Variants in RSRP1 observed in about 807,000 individuals in gnomAD.
RSRP1 encodes the protein arginine and serine rich protein 1, also known as arginine/serine-rich protein 1.
A neutral mutation model predicts 33.0 loss-of-function variants in RSRP1; 37 were observed. The ratio of observed to expected loss-of-function variants is 1.12; its 90% confidence interval spans 0.86 to 1.48. The LOEUF is 1.48. Among genes scored for constraint, RSRP1 ranks in the 40% most tolerant of loss-of-function variants. RSRP1 has a pLI of 0.00. For missense variants in RSRP1, 402 were observed against 385.3 expected (o/e 1.04, Z -0.36); for synonymous variants, 167 against 158.7 (o/e 1.05, Z -0.40).
intron 1 of RSRP1, among the ~76,000 whole-genome samples, chr1:25,276,230 G>A (rs1640946437): frequency 7.7e-6 from 1 of 129,998 alleles, no homozygotes; most frequent in Non-Finnish European, 1.8e-5. Context: ...CTGTTAGAGA[G>A]GCACATTGAA....
At chr1:25,306,524 G>A in intron 1 of RSRP1, 2 of 1,300,436 alleles carry the variant, frequency 1.5e-6, no homozygotes, top group Non-Finnish European at 1.1e-6. Flanking sequence ...GGATACCAAG[G>A]GTGTGTGAAA....
chr1:25,321,826 T>G, intron 1 of RSRP1: 1 of 866,020 alleles, frequency 1.2e-6, no homozygotes, highest in Non-Finnish European at 1.9e-6. Flanking sequence ...ATATTTCGAT[T>G]AATCTTGAGA....
intron 3 of RSRP1, 84 bp from the exon 4 acceptor site, chr1:25,243,717 A>T (rs1174132181): frequency 2.9e-5 from 45 of 1,543,548 alleles, no homozygotes; most frequent in Non-Finnish European, 3.6e-5. Context: ...CTAATTGTAA[A>T]CAAAATTTAG....
chr1:25,298,096 T>C (rs1305926318), intron 1 of RSRP1, among the ~76,000 whole-genome samples: 1 of 118,256 alleles, frequency 8.5e-6, no homozygotes, highest in African/African-American at 2.8e-5. Flanking sequence ...AAAACAACTC[T>C]TTTCTCTCAG....
rs559330816 is a variant in RSRP1 at position 25,280,029 on chromosome 1, C to T, written c.-66-33000G>A. Among the ~76,000 whole-genome samples, 22 of 129,716 alleles carry T rather than the reference C, an allele frequency of 1.7e-4. 8 individuals are homozygous for T. The highest frequency in any genetic ancestry group is 3.3e-4 in the Non-Finnish European group (18 of 55,276). The allele number at this position is 129,716 out of a possible 152,430, so 85.1% of individuals were successfully genotyped here. A position where few individuals can be genotyped will look rare whatever the true frequency, so the allele number is the denominator to read the frequency against. ...GATGGGTGGAAATGGGCCTGGAGCC[C>T]AGGAGAAGTGGGAGGATGAGGGGGC... On this transcript the variant is annotated intron_variant, in intron 1 of 1. Transcript: ENST00000561867.
chr1:25,310,395 T>A lies in RSRP1; in HGVS notation c.-67+27583A>T, dbSNP rs573374340. Reference sequence around the variant, plus strand: ...CTCTCACTGTGTGATGACTTCTCCATGTCATGATGCAGCAAGAAGGCCCTC... The same window carrying A: ...CTCTCACTGTGTGATGACTTCTCCAAGTCATGATGCAGCAAGAAGGCCCTC... On this transcript the variant is annotated intron_variant, in intron 1 of 1. Transcript: ENST00000561867. Among the ~76,000 whole-genome samples the A allele has an allele frequency of 3.0e-3, 404 of 133,002 alleles. 94 individuals are homozygous for A. Among genetic ancestry groups the A allele is most frequent in the Middle Eastern group, 0.012 (3 of 244 alleles). 87.3% of individuals were successfully genotyped at this position (133,002 alleles called of 152,430 possible).
chr1:25,305,694 G>A lies in RSRP1; in HGVS notation c.-67+32284C>T, dbSNP rs544565648. Reference sequence around the variant, plus strand: ...CAGCTTACTGCAAGCTCCGCCTCCCGGGTTCACACCATTCTCCTGCCTCAG... The same window carrying A: ...CAGCTTACTGCAAGCTCCGCCTCCCAGGTTCACACCATTCTCCTGCCTCAG... On this transcript the variant is annotated intron_variant, in intron 1 of 1. Transcript: ENST00000561867. Among the ~76,000 whole-genome samples, 16 of 129,708 alleles carry A rather than the reference G, an allele frequency of 1.2e-4. 2 individuals carry two copies. The highest frequency in any genetic ancestry group is 1.2e-3 in the East Asian group (6 of 5,092). 85.1% of individuals were successfully genotyped at this position (129,708 alleles called of 152,430 possible). A position where few individuals can be genotyped will look rare whatever the true frequency, so the allele number is the denominator to read the frequency against.
At chr1:25,249,154 CAAAT>C (rs1639689842), upstream of RSRP1, among the ~76,000 whole-genome samples, 1 of 152,136 alleles carries the variant, frequency 6.6e-6, no homozygotes, top group East Asian at 1.9e-4. Flanking sequence ...CGTCTGGAAA[CAAAT>C]AATAATAATA....
At chr1:25,251,944 G>T (rs559787337), upstream of RSRP1, among the ~76,000 whole-genome samples, 15 of 149,984 alleles carry the variant, frequency 1.0e-4, no homozygotes, top group African/African-American at 3.2e-4. Context: ...AGACTGAAGT[G>T]CAGTGGTGCA....
chr1:25,282,598 CA>C (rs1641587728), intron 1 of RSRP1, among the ~76,000 whole-genome samples: 1 of 132,390 alleles, frequency 7.6e-6, no homozygotes, highest in Admixed American at 7.4e-5. Flanking sequence ...CATGTGAACT[CA>C]AAACCTATGC....
intron 1 of RSRP1, among the ~76,000 whole-genome samples, chr1:25,298,601 C>T (rs1253644507): frequency 7.6e-6 from 1 of 131,452 alleles, no homozygotes; most frequent in African/African-American, 2.6e-5. Context: ...AAACACAAGC[C>T]CGCTTTTCAG....
chr1:25,295,338 CTTGTTCAA>C lies in RSRP1; in HGVS notation c.-67+42632_-67+42639del, dbSNP rs1233986957. On this transcript the variant is annotated intron_variant, in intron 1 of 1. Coordinates refer to the RSRP1 transcript ENST00000561867. The stretch of plus-strand genomic sequence containing the variant: ...TGAGGATTGAACAAGTGACCGAACA[CTTGTTCAA>C]TTTTGAACACTGTTCTAAAGCATTT... 1.8e-5 allele frequency among the ~76,000 whole-genome samples: 2 copies of C among 111,048 alleles called. 1 individual carries two copies. The highest frequency in any genetic ancestry group is 4.3e-5 in the Non-Finnish European group (2 of 46,732). 72.9% of individuals were successfully genotyped at this position (111,048 alleles called of 152,430 possible).
At chr1:25,268,363 A>G (rs1459187589) in intron 1 of RSRP1, among the ~76,000 whole-genome samples, 1 of 131,542 alleles carries the variant, frequency 7.6e-6, no homozygotes, top group Non-Finnish European at 1.8e-5. Flanking sequence ...TACTAAAAAT[A>G]CAAAAATTAG....
At chr1:25,278,056 T>C (rs1641168606) in intron 1 of RSRP1, among the ~76,000 whole-genome samples, 1 of 130,300 alleles carries the variant, frequency 7.7e-6, no homozygotes, top group South Asian at 2.4e-4. Flanking sequence ...CTGGTGATTG[T>C]ATTGAGCATT....
chr1:25,305,661 C>T lies in RSRP1; in HGVS notation c.-67+32317G>A, dbSNP rs1341552098. Among the ~76,000 whole-genome samples, 12 of 127,668 alleles carry T rather than the reference C, an allele frequency of 9.4e-5. 2 individuals carry two copies. The highest frequency in any genetic ancestry group is 2.7e-4 in the African/African-American group (10 of 36,766). 83.8% of individuals were successfully genotyped at this position (127,668 alleles called of 152,430 possible). A position where few individuals can be genotyped will look rare whatever the true frequency, so the allele number is the denominator to read the frequency against. The stretch of plus-strand genomic sequence containing the variant: ...TTTTGCCCAGGCTGGAGTGCAGTGG[C>T]GCCATCTCAGCTTACTGCAAGCTCC... On this transcript the variant is annotated intron_variant, in intron 1 of 1. Coordinates refer to the RSRP1 transcript ENST00000561867.
At chr1:25,290,817 A>T (rs1258773964) in intron 1 of RSRP1, 1 of 1,374,146 alleles carries the variant, frequency 7.3e-7, no homozygotes, top group African/African-American at 1.4e-5. Context: ...GGGAGGAGGG[A>T]CCTGGGAGAA....
chr1:25,301,044 G>C (rs1643349567), intron 1 of RSRP1: 1 of 1,377,266 alleles, frequency 7.3e-7, no homozygotes, highest in African/African-American at 1.4e-5. Context: ...CCGAGGGAAC[G>C]GAGGATAAAG....
intron 1 of RSRP1, chr1:25,301,245 T>G (rs1389079019): frequency 2.2e-6 from 2 of 893,354 alleles, no homozygotes; most frequent in African/African-American, 3.3e-5. Context: ...TAGTGTTTGC[T>G]AAATTCATAC....
In RSRP1 at chr1:25,318,775, C is replaced by T. The variant is rs539184341; in HGVS notation, c.-67+19203G>A. On this transcript the variant is annotated intron_variant, in intron 1 of 1. Transcript: ENST00000561867. Reference sequence around the variant, plus strand: ...GGCATGTCACTTTACTCCCTCTGAGCCTTGGTTAGCTTCTCTGTAAAATGA... The same window carrying T: ...GGCATGTCACTTTACTCCCTCTGAGTCTTGGTTAGCTTCTCTGTAAAATGA... 1.8e-3 allele frequency among the ~76,000 whole-genome samples: 242 copies of T among 132,092 alleles called. 26 individuals are homozygous for T. The highest frequency in any genetic ancestry group is 5.9e-3 in the African/African-American group (230 of 38,886). The allele number at this position is 132,092 out of a possible 152,430, so 86.7% of individuals were successfully genotyped here. A position where few individuals can be genotyped will look rare whatever the true frequency, so the allele number is the denominator to read the frequency against.
Sources: allele counts gnomAD v4.1 joint callset (sites outside exome capture counted in the v4.1 genomes callset), GRCh38; gene constraint gnomAD v4.1.1; transcripts MANE v1.5; gene names NCBI Gene and HGNC (gene_info 2026-07-23, HGNC 2026-07-21).